The following CSTF3 variants were observed in gnomAD, a reference collection of about 807,000 sequenced individuals.
The protein encoded by CSTF3 is CF-1 77 kDa subunit.
CSTF3 carries 29 observed loss-of-function variants against 105.8 expected under a neutral mutation model. That is an observed-to-expected ratio of 0.27 (90% CI 0.20 to 0.37). The LOEUF is 0.37. Among genes scored for constraint, CSTF3 ranks in the 10% least tolerant of loss-of-function variants. The pLI is 1.00. For missense variants in CSTF3, 357 were observed against 879.3 expected, an observed-to-expected ratio of 0.41 and a Z score of 7.51; for synonymous variants, 252 against 281.9, an observed-to-expected ratio of 0.89 and a Z score of 1.06.
chr11:33,112,245 ACT>A (rs1378406057), intron 3 of CSTF3, among the ~76,000 whole-genome samples: 1 of 151,532 alleles, frequency 6.6e-6, no homozygotes, highest in Non-Finnish European at 1.5e-5. Context: ...CAAGAGCGAA[ACT>A]CTGTGTGGAA....
At chr11:33,138,835 C>A (rs906624920) in intron 3 of CSTF3, among the ~76,000 whole-genome samples, 1 of 151,738 alleles carries the variant, frequency 6.6e-6, no homozygotes, top group Non-Finnish European at 1.5e-5. Context: ...ATATATAACA[C>A]CAAAGTAATT....
At chr11:33,091,808 A>C (rs1333399785) in intron 16 of CSTF3, among the ~76,000 whole-genome samples, 1 of 152,070 alleles carries the variant, frequency 6.6e-6, no homozygotes, top group Non-Finnish European at 1.5e-5. Context: ...TCCTGGGCTC[A>C]AGCAGTCCTC....
rs1193396750 is a variant in CSTF3 at position 33,099,272 on chromosome 11, C to T, written c.937-122G>A. 1 of 1,172,692 alleles carries T rather than the reference C, an allele frequency of 8.5e-7. No individual in the cohort carries two copies. Among genetic ancestry groups the T allele is most frequent in the Non-Finnish European group, 1.2e-6 (1 of 842,258 alleles). 72.6% of individuals were successfully genotyped at this position (1,172,692 alleles called of 1,614,324 possible). A position where few individuals can be genotyped will look rare whatever the true frequency, so the allele number is the denominator to read the frequency against. On this transcript the variant is annotated intron_variant, in intron 11 of 20. Transcript: ENST00000323959. The surrounding 1 kb of genome is among the most constrained non-coding windows in gnomAD (Gnocchi z 4.1). ...GTCTAAGAAAGCATACATGTATGTA[C>T]ACACATATATATGTATCCACACACA... is the stretch of plus-strand genomic sequence containing the variant.
In CSTF3 at chr11:33,086,981, G is replaced by GGCTT; in HGVS notation, c.1795+3_1795+6dup. 6.2e-7 allele frequency: 1 copy of GGCTT among 1,613,996 alleles called. No homozygotes were observed. The highest frequency in any genetic ancestry group is 8.5e-7 in the Non-Finnish European group (1 of 1,179,950). ...GTCTCAGTACTGGATCTAAAGTCAT[G>GGCTT]GCTTACGTGCTAAATGTCGTGGCTG... is the stretch of plus-strand genomic sequence containing the variant. On this transcript the variant is annotated splice_region_variant and intron_variant, in intron 18 of 20. Coordinates refer to ENST00000323959, the MANE Select transcript of CSTF3 (RefSeq NM_001326.3).
intron 3 of CSTF3, among the ~76,000 whole-genome samples, chr11:33,127,009 AAGTAAAGCAGCT>A (rs1253941447): frequency 2.0e-5 from 3 of 152,146 alleles, no homozygotes; most frequent in South Asian, 2.1e-4. Context: ...GATCTGAAGA[AAGTAAAGCAGCT>A]AGCAAAGCAG....
intron 1 of CSTF3, among the ~76,000 whole-genome samples, chr11:33,152,683 G>A (rs554264662): frequency 9.2e-5 from 14 of 152,240 alleles, no homozygotes; most frequent in Admixed American, 3.3e-4. Flanking sequence ...AGCTTGGGCC[G>A]GGCGCGGTGA....
At chr11:33,160,271 T>C (rs986888678) in intron 1 of CSTF3, among the ~76,000 whole-genome samples, 1 of 152,182 alleles carries the variant, frequency 6.6e-6, no homozygotes, top group African/African-American at 2.4e-5. Context: ...CATAATGAAA[T>C]CTACAGTCTT....
intron 15 of CSTF3, among the ~76,000 whole-genome samples, chr11:33,095,819 C>CAAATT (rs1675468303): frequency 6.8e-6 from 1 of 146,042 alleles, no homozygotes; most frequent in South Asian, 2.3e-4. Context: ...GACTCTGTCT[C>CAAATT]AAATAAATAA....
chr11:33,097,542 G>A (rs1430253883), intron 13 of CSTF3, among the ~76,000 whole-genome samples: 2 of 152,000 alleles, frequency 1.3e-5, no homozygotes, highest in Admixed American at 1.3e-4. Flanking sequence ...GCTAATTTTT[G>A]TTTTTTAGTA....
rs910314397 is a variant in CSTF3 at position 33,087,114 on chromosome 11, T to C, written c.1669A>G (p.Ile557Val). The C allele has an allele frequency of 1.7e-5, 27 of 1,614,018 alleles. No individual in the cohort carries two copies. In the Middle Eastern group the frequency reaches 4.9e-4, roughly 29 times the overall value. ...KDVSRAKLAA[I>V]IPDPVVAPSI... ...GGAGCTACAACTGGGTCCGGAATTA[T>C]AGCTGCTAGCTTAGCACGGGAGACA... The change falls in exon 18 of 21, where the codon ATA becomes GTA. Residue 557 changes from isoleucine to valine, a missense_variant. Around this residue, in one of 4 missense-constraint regions of CSTF3, gnomAD observed 206 missense variants for 576.5 expected, o/e 0.36. Transcript: ENST00000323959.
intron 1 of CSTF3, among the ~76,000 whole-genome samples, chr11:33,143,742 G>A (rs1855743240): frequency 6.7e-6 from 1 of 148,906 alleles, no homozygotes; most frequent in Admixed American, 6.7e-5. Context: ...AAGCCACACA[G>A]CACTTTGGGA....
intron 1 of CSTF3, among the ~76,000 whole-genome samples, chr11:33,159,629 T>G (rs1272248189): frequency 3.1e-5 from 4 of 127,160 alleles, no homozygotes; most frequent in Admixed American, 7.9e-5. Context: ...AAAAATTAGC[T>G]GGGCATGGTG....
intron 8 of CSTF3, among the ~76,000 whole-genome samples, chr11:33,104,688 C>T (rs1855310997): frequency 6.6e-6 from 1 of 152,012 alleles, no homozygotes; most frequent in South Asian, 2.1e-4. Context: ...TCACCTGAGC[C>T]CAGGAAGTTG....
chr11:33,085,311 A>C, intron 20 of CSTF3, 22 bp from the exon 21 acceptor site: 1 of 1,508,950 alleles, frequency 6.6e-7, no homozygotes, highest in Non-Finnish European at 8.9e-7. Context: ...AAACAACAAA[A>C]CGTAAAAACA....
intron 15 of CSTF3, 35 bp from the exon 16 acceptor site, chr11:33,092,375 T>A: frequency 7.3e-7 from 1 of 1,371,060 alleles, no homozygotes; most frequent in Non-Finnish European, 1.0e-6. Flanking sequence ...TTTTTTTAAT[T>A]CACTTTTACG....
chr11:33,157,835 AGCAAATCCATGATTC>A (rs1261336490), intron 1 of CSTF3, among the ~76,000 whole-genome samples: 2 of 152,364 alleles, frequency 1.3e-5, no homozygotes, highest in Non-Finnish European at 2.9e-5. Context: ...ATTTTTCCAA[AGCAAATCCATGATTC>A]AATGGTTTTA....
intron 1 of CSTF3, among the ~76,000 whole-genome samples, chr11:33,159,594 T>G (rs1319414808): frequency 2.4e-4 from 3 of 12,760 alleles, no homozygotes; most frequent in Non-Finnish European, 3.7e-4. Context: ...AGGCTCCATC[T>G]CAAAAAAAAA....
In CSTF3 at chr11:33,105,975, A is replaced by G. The variant is rs373155909; in HGVS notation, c.423+23T>C. ...TTGGTATTCTTACATTTAAGTGCAT[A>G]CATTAAAAAGTTTTAACTCTACCTG... On this transcript the variant is annotated intron_variant, in intron 6 of 20. Transcript: ENST00000323959. 42 of 1,588,904 alleles carry G rather than the reference A, an allele frequency of 2.6e-5. No homozygotes were observed. The East Asian group carries it at 4.9e-4, about 19-fold the overall frequency.
At chr11:33,093,697 G>A (rs1459403411) in intron 15 of CSTF3, among the ~76,000 whole-genome samples, 1 of 151,560 alleles carries the variant, frequency 6.6e-6, no homozygotes, top group East Asian at 1.9e-4. Flanking sequence ...AACTCATTTT[G>A]GCCTAGTCAC....
Sources: gnomAD v4.1 joint callset for allele counts (sites outside exome capture counted in the v4.1 genomes callset) on GRCh38, gnomAD v4.1.1 for gene constraint, gnomAD v4.1.1 regional missense constraint, Gnocchi (gnomAD v3.1) non-coding constraint, MANE v1.5 for transcripts, NCBI Gene and HGNC (gene_info 2026-07-23, HGNC 2026-07-21) for gene names.